Variants in SLC39A11 observed in about 807,000 individuals in gnomAD.
SLC39A11 encodes solute carrier family 39 member 11, also known as zinc transporter ZIP11.
SLC39A11 carries 33 observed loss-of-function variants against 36.1 expected under a neutral mutation model. The observed-to-expected ratio is 0.91, with a 90% confidence interval of 0.69 to 1.22. The LOEUF is 1.22. Among genes scored for constraint, SLC39A11 ranks in the 50% most tolerant of loss-of-function variants. The pLI is 0.00. For missense variants in SLC39A11, 432 were observed against 430.3 expected, an observed-to-expected ratio of 1.00 and a Z score of -0.03; for synonymous variants, 166 against 170.3, an observed-to-expected ratio of 0.97 and a Z score of 0.20.
chr17:73,091,058 A>T (rs2060907977), intron 1 of SLC39A11, among the ~76,000 whole-genome samples: 1 of 152,186 alleles, frequency 6.6e-6, no homozygotes, highest in Admixed American at 6.5e-5. Flanking sequence ...AGACTTTCTG[A>T]ATCAGGGTCT....
chr17:72,729,314 G>A (rs115978954), intron 7 of SLC39A11, among the ~76,000 whole-genome samples: 15,672 of 142,914 alleles, frequency 0.11, 1,026 homozygotes, highest in African/African-American at 0.13. Context: ...ACGGCTTACT[G>A]CAGCCTCAAC....
At chr17:73,004,867 T>G (rs76418321) in intron 4 of SLC39A11, among the ~76,000 whole-genome samples, 1 of 151,144 alleles carries the variant, frequency 6.6e-6, no homozygotes, top group Admixed American at 6.6e-5. Context: ...CATCGGCTCA[T>G]GGAATACCCA....
chr17:72,911,804 C>T lies in SLC39A11; in HGVS notation c.430+35948G>A, dbSNP rs908188304. On this transcript the variant is annotated intron_variant, in intron 5 of 9. Coordinates refer to ENST00000255559, the MANE Select transcript of SLC39A11 (RefSeq NM_139177.4). ...AATTACAGGCACACATCACCATGTC[C>T]GGTTAATTTTTGTATTTTTAGTAGA... Among the ~76,000 whole-genome samples, 8 of 152,230 alleles carry T rather than the reference C, an allele frequency of 5.3e-5. No individual in the cohort carries two copies. The East Asian group carries it at 7.7e-4, about 15-fold the overall frequency.
At chr17:72,689,133 C>G (rs2071894933) in intron 7 of SLC39A11, among the ~76,000 whole-genome samples, 1 of 152,212 alleles carries the variant, frequency 6.6e-6, no homozygotes, top group South Asian at 2.1e-4. Context: ...TTGGTGTCCT[C>G]TGCACAGTGA....
intron 3 of SLC39A11, among the ~76,000 whole-genome samples, chr17:73,064,410 TC>T (rs1319995796): frequency 9.2e-5 from 14 of 152,202 alleles, no homozygotes; most frequent in Middle Eastern, 6.9e-3. Context: ...ACTGAATTTA[TC>T]CTCCCACCAT....
chr17:72,811,370 C>T (rs554764721), intron 6 of SLC39A11, among the ~76,000 whole-genome samples: 1 of 152,284 alleles, frequency 6.6e-6, no homozygotes, highest in Admixed American at 6.5e-5. Flanking sequence ...CTAACCATCA[C>T]ATTGGAAACT....
At chr17:72,836,345 G>A (rs139122968) in intron 6 of SLC39A11, among the ~76,000 whole-genome samples, 26 of 113,472 alleles carry the variant, frequency 2.3e-4, no homozygotes, top group African/African-American at 1.1e-3. Context: ...GTGGCCTCGG[G>A]CTTTTTTTTT....
chr17:72,692,233 GA>G (rs1340960225), intron 7 of SLC39A11, among the ~76,000 whole-genome samples: 1 of 151,954 alleles, frequency 6.6e-6, no homozygotes. Context: ...GGATGGTCTC[GA>G]TCTCCTGACC....
intron 4 of SLC39A11, among the ~76,000 whole-genome samples, chr17:72,976,693 T>A (rs1325003233): frequency 6.6e-6 from 1 of 151,776 alleles, no homozygotes. Context: ...CTACTAAAAA[T>A]ACAAAAATTA....
At chr17:72,949,459 C>T (rs1310906053) in intron 4 of SLC39A11, among the ~76,000 whole-genome samples, 1 of 151,894 alleles carries the variant, frequency 6.6e-6, no homozygotes, top group East Asian at 1.9e-4. Context: ...CTGCACCCGG[C>T]CAGCTTTTAA....
intron 7 of SLC39A11, among the ~76,000 whole-genome samples, chr17:72,658,288 G>A (rs982051043): frequency 5.9e-5 from 9 of 152,190 alleles, no homozygotes; most frequent in African/African-American, 1.9e-4. Context: ...ACAGTCTGAG[G>A]TACTTTTCCA....
At chr17:72,736,857 AG>A (rs983154934) in intron 6 of SLC39A11, 138 bp from the exon 7 acceptor site, 2 of 719,992 alleles carry the variant, frequency 2.8e-6, no homozygotes, top group African/African-American at 3.4e-5. Flanking sequence ...GCTTAAACCC[AG>A]GGAAACTAAG....
intron 6 of SLC39A11, among the ~76,000 whole-genome samples, chr17:72,775,092 C>T (rs1227063702): frequency 6.6e-6 from 1 of 152,198 alleles, no homozygotes; most frequent in Non-Finnish European, 1.5e-5. Context: ...TCCCCCAACA[C>T]CTGGCCCTTT....
At chr17:73,091,233 G>A (rs183891259) in intron 1 of SLC39A11, among the ~76,000 whole-genome samples, 11 of 152,244 alleles carry the variant, frequency 7.2e-5, no homozygotes, top group African/African-American at 2.6e-4. Flanking sequence ...TTCGAGACCA[G>A]CCTGGCCAAC....
At chr17:72,880,910 T>C (rs1263715484) in intron 5 of SLC39A11, among the ~76,000 whole-genome samples, 2 of 59,520 alleles carry the variant, frequency 3.4e-5, no homozygotes, top group African/African-American at 3.7e-4. Context: ...CTCAATCTCC[T>C]GACCTTGTGA....
At chr17:72,918,225 A>G (rs1053853815) in intron 5 of SLC39A11, among the ~76,000 whole-genome samples, 5 of 152,206 alleles carry the variant, frequency 3.3e-5, no homozygotes, top group African/African-American at 7.2e-5. Flanking sequence ...CCAGGCCAAC[A>G]TGATGAAACC....
chr17:72,783,660 G>T (rs542007040), intron 6 of SLC39A11, among the ~76,000 whole-genome samples: 1 of 152,324 alleles, frequency 6.6e-6, no homozygotes, highest in East Asian at 1.9e-4. Flanking sequence ...GGGCAGGGAA[G>T]AATGCCCAGG....
chr17:72,858,385 G>A (rs898540065), intron 5 of SLC39A11, among the ~76,000 whole-genome samples: 5 of 152,060 alleles, frequency 3.3e-5, no homozygotes, highest in African/African-American at 1.2e-4. Flanking sequence ...GTAGTCCTAT[G>A]GTATAGTTTG....
At position 72,882,776 on chromosome 17, in the gene SLC39A11, C is replaced by T. The variant is rs551128469; in HGVS notation, c.431-32972G>A. Among the ~76,000 whole-genome samples the T allele has an allele frequency of 2.0e-5, 3 of 146,696 alleles. No individual in the cohort carries two copies. The South Asian group carries it at 6.6e-4, about 32-fold the overall frequency. On this transcript the variant is annotated intron_variant, in intron 5 of 9. Coordinates refer to ENST00000255559, the MANE Select transcript of SLC39A11 (RefSeq NM_139177.4). ...TTCTCAATTAAACTCACACAACCTG[C>T]TTGAGGGAGAGAGAATGCTTCTTTT...
Sources: gnomAD v4.1 joint callset for allele counts (sites outside exome capture counted in the v4.1 genomes callset) on GRCh38, gnomAD v4.1.1 for gene constraint, MANE v1.5 for transcripts, NCBI Gene and HGNC (gene_info 2026-07-23, HGNC 2026-07-21) for gene names.